The following DPEP3 variants were observed in gnomAD, a reference collection of about 807,000 sequenced individuals.
DPEP3 encodes the protein dipeptidase 3, also known as membrane-bound dipeptidase 3.
A neutral mutation model predicts 47.5 loss-of-function variants in DPEP3; 42 were observed. That is an observed-to-expected ratio of 0.88 (90% CI 0.69 to 1.14). The LOEUF (loss-of-function observed/expected upper bound fraction) is 1.14, where lower values mean the gene tolerates loss of function less well. Ranked by LOEUF, DPEP3 falls within the 50% of genes most tolerant of loss-of-function variation. DPEP3 has a pLI of 0.00. For synonymous variants in DPEP3, 276 were observed against 270.2 expected (o/e 1.02, Z -0.21); for missense variants, 560 against 635.0 (o/e 0.88, Z 1.27).
Position 67,979,713 on chromosome 16 carries a change from C to G in DPEP3, c.340G>C (p.Asp114His), listed in dbSNP as rs766963169. Residue 114 changes from aspartate (D) to histidine (H), a missense_variant, in exon 2 of 10, where the codon GAT becomes CAT. Transcript: ENST00000268793. Reference protein sequence around the residue: ...LRQRYKNVLQDVNLRNFSHGQ... With the variant: ...LRQRYKNVLQHVNLRNFSHGQ... The stretch of plus-strand genomic sequence containing the variant: ...TGGCTGAAATTTCGCAGGTTAACAT[C>G]CTGAAGCACATTCTTGTAACGCTGT... 5 of 1,614,030 alleles carry G rather than the reference C, an allele frequency of 3.1e-6. No homozygotes were observed. The Admixed American group carries it at 8.3e-5, about 27-fold the overall frequency.
chr16:67,977,979 G>A lies in DPEP3; in HGVS notation c.715C>T (p.His239Tyr). 2 of 1,613,914 alleles carry A rather than the reference G, an allele frequency of 1.2e-6. No homozygotes were observed. Among genetic ancestry groups the A allele is most frequent in the Non-Finnish European group, 8.5e-7 (1 of 1,179,878 alleles). ...WAESSTKFRH[H>Y]MYTNVSGLTS... Reference sequence around the variant, plus strand: ...AATCCGCTGACGTTGGTGTACATGTGGTGTCTGAACTTGGTGGAACTCTCT... The same window carrying A: ...AATCCGCTGACGTTGGTGTACATGTAGTGTCTGAACTTGGTGGAACTCTCT... The change falls in exon 5 of 10, where the codon CAC (histidine) becomes TAC (tyrosine). Residue 239 changes from histidine to tyrosine, a missense_variant. His to Tyr is a moderately conservative substitution (Grantham distance 83). Coordinates refer to ENST00000268793, the MANE Select transcript of DPEP3 (RefSeq NM_001370198.1).
chr16:67,978,653 T>C lies in DPEP3; in HGVS notation c.415-27A>G. On this transcript the variant is annotated intron_variant, in intron 2 of 9. Coordinates refer to ENST00000268793, the MANE Select transcript of DPEP3 (RefSeq NM_001370198.1). The surrounding 1 kb of genome is among the most constrained non-coding windows in gnomAD (Gnocchi z 4.4). ...TGAGGGTAGGTCAAGGGGTCCAGAA[T>C]GAGGCCAGGGCGGTCTTCAACCCCC... 1 of 1,612,794 alleles carries C rather than the reference T, an allele frequency of 6.2e-7. No homozygotes were observed.
At chr16:67,976,368 G>A in intron 8 of DPEP3, 140 bp from the exon 9 acceptor site, 1 of 1,204,356 alleles carries the variant, frequency 8.3e-7, no homozygotes, top group Non-Finnish European at 1.1e-6. Flanking sequence ...GGAGGCTCCT[G>A]GAGGACTGGG....
Position 67,977,731 on chromosome 16 carries a change from A to C in DPEP3, c.855T>G (p.Pro285=). 1 of 1,613,514 alleles carries C rather than the reference A, an allele frequency of 6.2e-7. No individual in the cohort carries two copies. ...TGGCAGCTGAGTGGGAGAAGATCAC[A>C]GGAGCCTGAGACACTTCCAGGACCC... ...IRRVLEVSQA[P]VIFSHSAARA... Residue 285 remains proline, a synonymous_variant, in exon 6 of 10, where the codon CCT becomes CCG. Coordinates refer to ENST00000268793, the MANE Select transcript of DPEP3 (RefSeq NM_001370198.1).
intron 7 of DPEP3, 112 bp downstream of exon 7, chr16:67,977,156 TCG>T: frequency 1.2e-6 from 1 of 863,204 alleles, no homozygotes; most frequent in South Asian, 1.6e-5. Context: ...TGCCTCTGGG[TCG>T]TTGGGAGGTC....
Position 67,977,837 on chromosome 16 carries a change from A to G in DPEP3, c.757-8T>C. 6.2e-7 allele frequency: 1 copy of G among 1,613,762 alleles called. No individual in the cohort carries two copies. Among genetic ancestry groups the G allele is most frequent in the Non-Finnish European group, 8.5e-7 (1 of 1,179,738 alleles). On this transcript the variant is annotated splice_polypyrimidine_tract_variant and splice_region_variant and intron_variant, in intron 5 of 9. Transcript: ENST00000268793. ...CAACTCCTCTACTACTTTCTGCAGAAACAATTAGGTTTTTTTGTGGGGGAG... is the reference window on the plus strand; with the variant it reads ...CAACTCCTCTACTACTTTCTGCAGAGACAATTAGGTTTTTTTGTGGGGGAG...
At chr16:67,977,586 T>C (rs2031224617) in intron 6 of DPEP3, 67 bp downstream of exon 6, 4 of 1,528,306 alleles carry the variant, frequency 2.6e-6, no homozygotes, top group Non-Finnish European at 3.5e-6. Context: ...GGCTGGTGGC[T>C]TTGTGCTCAG....
chr16:67,977,652 C>T lies in DPEP3; in HGVS notation c.933+1G>A, dbSNP rs2031227091. ...GTTTGAGAGCTGGGATGGCCACTCA[C>T]CAGAAGCTGCAGGATATCATCGGGA... On this transcript the variant is annotated splice_donor_variant, in intron 6 of 9. Coordinates refer to ENST00000268793, the MANE Select transcript of DPEP3 (RefSeq NM_001370198.1). LOFTEE classifies it high-confidence loss of function. The T allele has an allele frequency of 6.2e-7, 1 of 1,609,302 alleles. No individual in the cohort carries two copies. Among genetic ancestry groups the T allele is most frequent in the South Asian group, 1.1e-5 (1 of 90,098 alleles).
At chr16:67,979,152 A>G (rs1189873208) in intron 2 of DPEP3, among the ~76,000 whole-genome samples, 1 of 152,138 alleles carries the variant, frequency 6.6e-6, no homozygotes, top group Non-Finnish European at 1.5e-5. Flanking sequence ...TAAAACTACA[A>G]AAATTAGCAG....
In DPEP3 at chr16:67,976,093, C is replaced by T; in HGVS notation, c.1230G>A (p.Lys410=). The T allele has an allele frequency of 6.2e-7, 1 of 1,614,168 alleles. No individual in the cohort carries two copies. The highest frequency in any genetic ancestry group is 8.5e-7 in the Non-Finnish European group (1 of 1,180,024). ...CATCCTGTCCACCAGCCCAGCTTAC[C>T]TTTTCCACTTGTCTGAAGACCCGCA... The part of the protein sequence containing the change: ...NLLRVFRQVE[K]VREESRAQSP... Residue 410 remains lysine (K), a splice_region_variant and synonymous_variant, in exon 9 of 10, where the codon AAG becomes AAA. Coordinates refer to ENST00000268793, the MANE Select transcript of DPEP3 (RefSeq NM_001370198.1).
rs1052921013 is a variant in DPEP3, at chr16:67,976,364, T to A, written c.1095-136A>T. On this transcript the variant is annotated intron_variant, in intron 8 of 9. Transcript: ENST00000268793. The stretch of plus-strand genomic sequence containing the variant: ...GGCTAGTGAATGCAACCTTGGAGGC[T>A]CCTGGAGGACTGGGCTTCTGTAGCC... 5 of 1,244,698 alleles carry A rather than the reference T, an allele frequency of 4.0e-6. No homozygotes were observed. In the Admixed American group the frequency reaches 1.3e-4, roughly 33 times the overall value. 77.1% of individuals were successfully genotyped at this position (1,244,698 alleles called of 1,614,324 possible).
Position 67,976,099 on chromosome 16 carries a change from C to T in DPEP3, c.1224G>A (p.Val408=), listed in dbSNP as rs2031189043. 6.2e-7 allele frequency: 1 copy of T among 1,614,202 alleles called. No homozygotes were observed. The highest frequency in any genetic ancestry group is 8.5e-7 in the Non-Finnish European group (1 of 1,180,028). ...GTCCACCAGCCCAGCTTACCTTTTC[C>T]ACTTGTCTGAAGACCCGCAGCAGGT... ...RGNLLRVFRQ[V]EKVREESRAQ... The change falls in exon 9 of 10, where the codon GTG becomes GTA. Residue 408 remains valine, a synonymous_variant. Coordinates refer to ENST00000268793, the MANE Select transcript of DPEP3 (RefSeq NM_001370198.1).
At chr16:67,977,402 A>G in intron 6 of DPEP3, 48 bp from the exon 7 acceptor site, 2 of 1,578,710 alleles carry the variant, frequency 1.3e-6, no homozygotes, top group Non-Finnish European at 1.7e-6. Context: ...GCCTGAGAAC[A>G]TGCCTCCTGT....
chr16:67,977,793 T>C lies in DPEP3; in HGVS notation c.793A>G (p.Ile265Val). The C allele has an allele frequency of 6.2e-7, 1 of 1,613,920 alleles. No homozygotes were observed. Among genetic ancestry groups the C allele is most frequent in the Non-Finnish European group, 8.5e-7 (1 of 1,179,864 alleles). The stretch of plus-strand genomic sequence containing the variant: ...GTGTCCGATGCATAGGACAAATCTA[T>C]CATCATGCCCAGGCGGTTCAACTCC... Reference protein sequence around the residue: ...VEELNRLGMMIDLSYASDTLI... With the variant: ...VEELNRLGMMVDLSYASDTLI... Residue 265 changes from isoleucine (I) to valine (V), a missense_variant, in exon 6 of 10, where the codon ATA becomes GTA. By Grantham distance (29) the Ile-to-Val change is conservative. Coordinates refer to ENST00000268793, the MANE Select transcript of DPEP3 (RefSeq NM_001370198.1).
intron 6 of DPEP3, 101 bp from the exon 7 acceptor site, chr16:67,977,455 G>C: frequency 2.2e-6 from 3 of 1,350,584 alleles, no homozygotes; most frequent in Non-Finnish European, 3.1e-6. Context: ...CCTGGCTTCA[G>C]GGGTTGGAAG....
Position 67,977,346 on chromosome 16 carries a change from GTTC to G in DPEP3, c.939_941del (p.Lys313del). Reference sequence around the variant, plus strand: ...ACAGTGTCACCATCACGATGCCACCGTTCTTCTTCTAGAGGGATAAAGGGATAC... The same window carrying G: ...ACAGTGTCACCATCACGATGCCACCGTTCTTCTAGAGGGATAAAGGGATAC... On this transcript the variant is annotated inframe_deletion, in exon 7 of 10. Transcript: ENST00000268793. 1.9e-6 allele frequency: 3 copies of G among 1,613,734 alleles called. No homozygotes were observed. Among genetic ancestry groups the G allele is most frequent in the East Asian group, 4.5e-5 (2 of 44,884 alleles).
Position 67,980,204 on chromosome 16 carries a change from A to T in DPEP3, c.177T>A (p.Gly59=). 1 of 1,609,796 alleles carries T rather than the reference A, an allele frequency of 6.2e-7. No individual in the cohort carries two copies. ...LGSPSLFTTP[G]VPSALTTPGL... The stretch of plus-strand genomic sequence containing the variant: ...CTGGGGTAGTGAGGGCGCTGGGGAC[A>T]CCCGGCGTGGTGAAGAGGCTGGGGG... The change falls in exon 1 of 10, where the codon GGT becomes GGA. Residue 59 remains glycine (G), a synonymous_variant. Coordinates refer to ENST00000268793, the MANE Select transcript of DPEP3 (RefSeq NM_001370198.1).
At chr16:67,977,901 C>T in intron 5 of DPEP3, 37 bp downstream of exon 5, 1 of 1,613,954 alleles carries the variant, frequency 6.2e-7, no homozygotes, top group Non-Finnish European at 8.5e-7. Context: ...TATCCGTAGG[C>T]AGCAGGTGGG....
intron 2 of DPEP3, among the ~76,000 whole-genome samples, chr16:67,979,013 T>C (rs2031263414): frequency 6.6e-6 from 1 of 152,158 alleles, no homozygotes; most frequent in Non-Finnish European, 1.5e-5. Context: ...ACATCATAAA[T>C]TACTGTTACG....
Sources: gnomAD v4.1 joint callset for allele counts (sites outside exome capture counted in the v4.1 genomes callset) on GRCh38, gnomAD v4.1.1 for gene constraint, Gnocchi (gnomAD v3.1) non-coding constraint, MANE v1.5 for transcripts, NCBI Gene and HGNC (gene_info 2026-07-23, HGNC 2026-07-21) for gene names.